Variants in PID1 observed in about 807,000 individuals in gnomAD.
PID1 encodes phosphotyrosine interaction domain containing 1, also known as PTB-containing, cubilin and LRP1-interacting protein.
In PID1, 10 loss-of-function variants were observed where a neutral mutation model predicts 19.1. The observed-to-expected ratio is 0.52, with a 90% CI of 0.32 to 0.89. The LOEUF (loss-of-function observed/expected upper bound fraction) is 0.89. Ranked by LOEUF, PID1 falls within the 40% of genes least tolerant of loss-of-function variation. The pLI is 0.03. For synonymous variants in PID1, 130 were observed against 116.0 expected, an observed-to-expected ratio of 1.12 and a Z score of -0.78; for missense variants, 248 against 285.3, an observed-to-expected ratio of 0.87 and a Z score of 0.94.
chr2:229,145,170 T>C lies in PID1; in HGVS notation c.177+10648A>G, dbSNP rs543325164. Among the ~76,000 whole-genome samples, 68 of 146,318 alleles carry C rather than the reference T, an allele frequency of 4.6e-4. 1 individual carries two copies. The highest frequency in any genetic ancestry group is 1.4e-3 in the African/African-American group (57 of 40,284). On this transcript the variant is annotated intron_variant, in intron 2 of 2. Coordinates refer to ENST00000392055, the MANE Select transcript of PID1 (RefSeq NM_001100818.2). Reference sequence around the variant, plus strand: ...ATATGTATGTGTATATATATATATATATATATATATATATATATAAACTCG... The same window carrying C: ...ATATGTATGTGTATATATATATATACATATATATATATATATATAAACTCG...
intron 1 of PID1, among the ~76,000 whole-genome samples, chr2:229,181,768 C>A (rs1690951800): frequency 6.6e-6 from 1 of 152,222 alleles, no homozygotes. Context: ...AGAGATGTCT[C>A]TCACTTAAGT....
intron 1 of PID1, among the ~76,000 whole-genome samples, chr2:229,173,824 C>T (rs777909961): frequency 1.6e-4 from 25 of 152,156 alleles, no homozygotes; most frequent in Non-Finnish European, 2.8e-4. Flanking sequence ...CCTGGAAGCC[C>T]CAGTTCTCAA....
intron 1 of PID1, among the ~76,000 whole-genome samples, chr2:229,174,719 T>C (rs566400728): frequency 0.021 from 446 of 21,300 alleles, 2 homozygotes; most frequent in South Asian, 0.072. Context: ...TGAAAATGCA[T>C]GAAGAAAAAA....
chr2:229,134,655 A>G (rs577858220), intron 2 of PID1, among the ~76,000 whole-genome samples: 7 of 152,340 alleles, frequency 4.6e-5, no homozygotes, highest in Non-Finnish European at 7.3e-5. Flanking sequence ...TACTATGATA[A>G]TAACTGTTCT....
rs548093973 is a variant in PID1, at chr2:229,064,631, G to T, written c.178-38523C>A. ...TTTTGATAAAAAAATTGCCATATTC[G>T]AAAGTGAAAAAGCATATTTGTTTGT... On this transcript the variant is annotated intron_variant, in intron 2 of 2. Transcript: ENST00000392055. Among the ~76,000 whole-genome samples the T allele has an allele frequency of 6.6e-5, 10 of 151,950 alleles. 1 individual carries two copies. The highest frequency in any genetic ancestry group is 5.2e-4 in the Admixed American group (8 of 15,260).
intron 1 of PID1, among the ~76,000 whole-genome samples, chr2:229,268,785 G>A (rs989076369): frequency 2.0e-5 from 3 of 151,952 alleles, no homozygotes; most frequent in African/African-American, 7.3e-5. Context: ...TTCTCACTGA[G>A]GAATCGGACA....
intron 2 of PID1, among the ~76,000 whole-genome samples, chr2:229,090,226 T>G (rs1694844599): frequency 6.6e-6 from 1 of 152,208 alleles, no homozygotes; most frequent in South Asian, 2.1e-4. Flanking sequence ...TCAAATAAGC[T>G]AATCAACATA....
chr2:229,057,133 G>A (rs188429666), intron 2 of PID1, among the ~76,000 whole-genome samples: 15 of 151,910 alleles, frequency 9.9e-5, no homozygotes, highest in Non-Finnish European at 1.8e-4. Context: ...CTAGAAGAAC[G>A]TAAAAGTTAA....
intron 1 of PID1, among the ~76,000 whole-genome samples, chr2:229,191,926 A>C (rs1369006950): frequency 6.6e-6 from 1 of 152,238 alleles, no homozygotes; most frequent in East Asian, 1.9e-4. Flanking sequence ...TAAATGCTTA[A>C]AAATTTAAAC....
chr2:229,127,248 C>T (rs1382439226), intron 2 of PID1, among the ~76,000 whole-genome samples: 1 of 152,176 alleles, frequency 6.6e-6, no homozygotes, highest in Non-Finnish European at 1.5e-5. Flanking sequence ...CATAACCTCT[C>T]TGTTTTCTGT....
intron 2 of PID1, among the ~76,000 whole-genome samples, chr2:229,140,234 C>T (rs539332703): frequency 9.7e-4 from 147 of 151,852 alleles, no homozygotes; most frequent in Non-Finnish European, 1.6e-3. Flanking sequence ...ATACATAGGC[C>T]GACACTGGAA....
intron 2 of PID1, among the ~76,000 whole-genome samples, chr2:229,153,384 T>C (rs1690296642): frequency 6.6e-6 from 1 of 152,208 alleles, no homozygotes; most frequent in South Asian, 2.1e-4. Context: ...TATCTATGCC[T>C]GGAATCGCCT....
chr2:229,024,657 A>G lies in PID1; in HGVS notation c.*975T>C, dbSNP rs1693371411. 6.6e-6 allele frequency: 1 copy of G among 152,630 alleles called. No homozygotes were observed. The highest frequency in any genetic ancestry group is 6.5e-5 in the Admixed American group (1 of 15,284). 9.5% of individuals were successfully genotyped at this position (152,630 alleles called of 1,614,324 possible). A position where few individuals can be genotyped will look rare whatever the true frequency, so the allele number is the denominator to read the frequency against. On this transcript the variant is annotated 3_prime_UTR_variant, in exon 3 of 3. Transcript: ENST00000392055. ...CTCGGTGATACCAAATCAGATTTGA[A>G]GCTTGCCATCAAGGATGCATCAGAC...
intron 1 of PID1, among the ~76,000 whole-genome samples, chr2:229,226,941 T>G (rs750883914): frequency 2.6e-5 from 4 of 152,174 alleles, no homozygotes; most frequent in Admixed American, 6.5e-5. Context: ...TTTTAAAAAA[T>G]TCTGTAGTGT....
At chr2:229,154,906 G>T (rs772183141) in intron 2 of PID1, among the ~76,000 whole-genome samples, 1 of 152,074 alleles carries the variant, frequency 6.6e-6, no homozygotes, top group African/African-American at 2.4e-5. Flanking sequence ...AGAGAGTATC[G>T]TGTGAGAAAA....
chr2:229,207,624 G>A (rs776604911), intron 1 of PID1, among the ~76,000 whole-genome samples: 9 of 151,024 alleles, frequency 6.0e-5, no homozygotes, highest in Admixed American at 5.3e-4. Flanking sequence ...AGATGCAGAC[G>A]GTCAGACCCA....
chr2:229,034,118 G>A (rs543744200), intron 2 of PID1, among the ~76,000 whole-genome samples: 6 of 152,268 alleles, frequency 3.9e-5, no homozygotes, highest in East Asian at 1.9e-4. Context: ...TTTAAGCCAC[G>A]AAGAAGGTAT....
chr2:229,091,606 A>G (rs1457580558), intron 2 of PID1, among the ~76,000 whole-genome samples: 2 of 152,154 alleles, frequency 1.3e-5, no homozygotes, highest in Non-Finnish European at 2.9e-5. Context: ...TGTCACCGCA[A>G]AAAGACAACA....
At chr2:229,191,702 G>C (rs935000727) in intron 1 of PID1, among the ~76,000 whole-genome samples, 5 of 152,174 alleles carry the variant, frequency 3.3e-5, no homozygotes, top group African/African-American at 9.7e-5. Flanking sequence ...TGCAATATGT[G>C]AATCAGCACT....
Sources: gnomAD v4.1 joint callset for allele counts (sites outside exome capture counted in the v4.1 genomes callset) on GRCh38, gnomAD v4.1.1 for gene constraint, MANE v1.5 for transcripts, NCBI Gene and HGNC (gene_info 2026-07-23, HGNC 2026-07-21) for gene names.